The following PTCH2 variants were observed in gnomAD, a reference collection of about 807,000 sequenced individuals.
PTCH2 encodes the protein protein patched homolog 2.
In PTCH2, 96 loss-of-function variants were observed where a neutral mutation model predicts 117.9. The ratio of observed to expected loss-of-function variants is 0.81; its 90% confidence interval spans 0.69 to 0.96. PTCH2 has a LOEUF of 0.96. PTCH2 is among the 50% of genes least tolerant of loss of function. The pLI, the probability that PTCH2 is intolerant of heterozygous loss-of-function variation, is 0.00. For synonymous variants in PTCH2, 615 were observed against 660.9 expected, an observed-to-expected ratio of 0.93 and a Z score of 1.06; for missense variants, 1,379 against 1,562.5, an observed-to-expected ratio of 0.88 and a Z score of 1.98.
rs1247074241 is a variant in PTCH2, at chr1:44,828,356, A to C, written c.1649T>G (p.Leu550Arg). 1 of 1,614,182 alleles carries C rather than the reference A, an allele frequency of 6.2e-7. No homozygotes were observed. Among genetic ancestry groups the C allele is most frequent in the Non-Finnish European group, 8.5e-7 (1 of 1,180,012 alleles). The change falls in exon 13 of 22, where the codon CTC (leucine) becomes CGC (arginine). Residue 550 changes from leucine to arginine, a missense_variant. By Grantham distance (102) the Leu-to-Arg change is moderately radical. Transcript: ENST00000372192. ...VAVMLVFPAILSLDLRRRHCQ... is the reference protein window; with the variant it reads ...VAVMLVFPAIRSLDLRRRHCQ... ...GTGGCGCCGCCGTAGGTCCAGGCTGAGGATGGCTGGGAAGACAAGCATCAC... is the reference window on the plus strand; with the variant it reads ...GTGGCGCCGCCGTAGGTCCAGGCTGCGGATGGCTGGGAAGACAAGCATCAC...
At chr1:44,835,849 C>T (rs753418112) in intron 2 of PTCH2, among the ~76,000 whole-genome samples, 2 of 152,166 alleles carry the variant, frequency 1.3e-5, no homozygotes, top group Non-Finnish European at 2.9e-5. Flanking sequence ...CTCCGTGTTT[C>T]GGTACTGCTA....
intron 2 of PTCH2, among the ~76,000 whole-genome samples, chr1:44,839,233 G>A (rs1315247357): frequency 6.6e-6 from 1 of 151,700 alleles, no homozygotes; most frequent in Admixed American, 6.6e-5. Context: ...AAATTAGCCG[G>A]GCATGGTGGC....
chr1:44,819,850 T>A (rs562025324), downstream of PTCH2: 2 of 152,930 alleles, frequency 1.3e-5, no homozygotes, highest in African/African-American at 4.8e-5. Context: ...GTTCCTTGGT[T>A]GTAGTTGCCT....
At position 44,828,994 on chromosome 1, in the gene PTCH2, G is replaced by A. The variant is rs2148876855; in HGVS notation, c.1452C>T (p.Gly484=). The change falls in exon 11 of 22, where the codon GGC becomes GGT. Residue 484 remains glycine (G), a synonymous_variant. Coordinates refer to ENST00000372192, the MANE Select transcript of PTCH2 (RefSeq NM_003738.5). ...LAHAFTEALP[G]TPLQERMGEC... The stretch of plus-strand genomic sequence containing the variant: ...GACAAGGCCCCACCTGGAGAGGGGT[G>A]CCAGGCAGAGCCTCTGTGAAGGCAT... The A allele has an allele frequency of 6.4e-7, 1 of 1,559,052 alleles. No individual in the cohort carries two copies. Among genetic ancestry groups the A allele is most frequent in the Non-Finnish European group, 8.7e-7 (1 of 1,151,170 alleles).
rs2295999 is a variant in PTCH2 at position 44,832,081 on chromosome 1, A to C, written c.456-37T>G. The C allele has an allele frequency of 2.2e-3, 3,548 of 1,611,972 alleles. 76 individuals are homozygous for C. The African/African-American group carries it at 0.041, about 19-fold the overall frequency. ...AGGGGCATAGGAGATCAGCAGAAGA[A>C]GGGGATTCCCACTCCAGAACCCCCA... On this transcript the variant is annotated intron_variant, in intron 3 of 21. Coordinates refer to ENST00000372192, the MANE Select transcript of PTCH2 (RefSeq NM_003738.5).
At chr1:44,837,170 ATCTT>A (rs1653724459) in intron 2 of PTCH2, among the ~76,000 whole-genome samples, 2 of 151,978 alleles carry the variant, frequency 1.3e-5, no homozygotes, top group Non-Finnish European at 2.9e-5. Flanking sequence ...TAATAAATCA[ATCTT>A]CTTTCTTCCT....
At position 44,823,114 on chromosome 1, in the gene PTCH2, G is replaced by A. The variant is rs771498770; in HGVS notation, c.3312C>T (p.Leu1104=). ...TGGACAGCAGCACAGGCAGCAGCACGAGTCCATGGAGGAGGCCCAGGAGCG... is the reference window on the plus strand; with the variant it reads ...TGGACAGCAGCACAGGCAGCAGCACAAGTCCATGGAGGAGGCCCAGGAGCG... ...VLTLLGLLHG[L]VLLPVLLSIL... The change falls in exon 21 of 22, where the codon CTC becomes CTT. Residue 1104 remains leucine, a synonymous_variant. Coordinates refer to ENST00000372192, the MANE Select transcript of PTCH2 (RefSeq NM_003738.5). The surrounding 1 kb of genome is among the most constrained non-coding windows in gnomAD (Gnocchi z 5.1). The A allele has an allele frequency of 1.1e-5, 18 of 1,613,838 alleles. No homozygotes were observed. Among genetic ancestry groups the A allele is most frequent in the South Asian group, 4.4e-5 (4 of 91,026 alleles).
chr1:44,826,531 A>G lies in PTCH2; in HGVS notation c.2933T>C (p.Val978Ala), dbSNP rs756475622. 4 of 1,613,718 alleles carry G rather than the reference A, an allele frequency of 2.5e-6. No individual in the cohort carries two copies. In the East Asian group the frequency reaches 8.9e-5, roughly 36 times the overall value. ...GGGGTTGAGGAGCAGCAGAGCACAG[A>G]CGAGGAAAGTGCACACCAGCAGGAT... ...VCILLVCTFLVCALLLLNPWT... is the reference protein window; with the variant it reads ...VCILLVCTFLACALLLLNPWT... Residue 978 changes from valine (V) to alanine (A), a missense_variant, in exon 18 of 22, where the codon GTC (valine) becomes GCC (alanine). Transcript: ENST00000372192. The surrounding 1 kb of genome is among the most constrained non-coding windows in gnomAD (Gnocchi z 5.1).
chr1:44,827,113 G>T (rs761717820), intron 16 of PTCH2, 31 bp from the exon 17 acceptor site: 2 of 1,613,796 alleles, frequency 1.2e-6, no homozygotes, highest in Admixed American at 3.3e-5. Context: ...GAAGGCCTGG[G>T]CCCAGGAGGC....
In PTCH2 at chr1:44,831,478, G is replaced by A. The variant is rs1480187848; in HGVS notation, c.617+228C>T. ...TTTTCTCCTTTGCTCAGATCTTACA[G>A]ATCTTTGTGTTTAGTTTTGTGTAAA... On this transcript the variant is annotated intron_variant, in intron 5 of 21. Coordinates refer to ENST00000372192, the MANE Select transcript of PTCH2 (RefSeq NM_003738.5). This position sits in a 1 kb window ranked among gnomAD's most constrained non-coding sequence, Gnocchi z 4.3. Among the ~76,000 whole-genome samples, 1 of 152,236 alleles carries A rather than the reference G, an allele frequency of 6.6e-6. No individual in the cohort carries two copies. Among genetic ancestry groups the A allele is most frequent in the Non-Finnish European group, 1.5e-5 (1 of 68,044 alleles).
chr1:44,843,018 G>C lies in PTCH2; in HGVS notation c.-86C>G. 6 of 1,447,898 alleles carry C rather than the reference G, an allele frequency of 4.1e-6. No homozygotes were observed. Among genetic ancestry groups the C allele is most frequent in the Non-Finnish European group, 3.6e-6 (4 of 1,104,888 alleles). 89.7% of individuals were successfully genotyped at this position (1,447,898 alleles called of 1,614,324 possible). ...CTAGCCCGGTCTCCCGGTACCGCTG[G>C]GCCCCGCGTAGGGATTCAGTGGGGC... On this transcript the variant is annotated 5_prime_UTR_variant, in exon 1 of 22. Coordinates refer to ENST00000372192, the MANE Select transcript of PTCH2 (RefSeq NM_003738.5).
chr1:44,838,759 C>T (rs1461471352), intron 2 of PTCH2, among the ~76,000 whole-genome samples: 4 of 148,812 alleles, frequency 2.7e-5, no homozygotes, highest in African/African-American at 9.9e-5. Context: ...CTCGCTCTGT[C>T]GCCAGGCTAG....
In PTCH2 at chr1:44,827,168, T is replaced by C; in HGVS notation, c.2513A>G (p.Gln838Arg). The change falls in exon 16 of 22, where the codon CAG becomes CGG. Residue 838 changes from glutamine to arginine, a missense_variant and splice_region_variant. By Grantham distance (43) the Gln-to-Arg change is conservative. Transcript: ENST00000372192. ...GDAQEPLDFS[Q>R]LTTRKLVDRE... ...GGACCCCTCCAGCCCTCTCCCAACC[T>C]GGCTGAAATCCAGAGGCTCCTGGGC... 1 of 1,614,034 alleles carries C rather than the reference T, an allele frequency of 6.2e-7. No individual in the cohort carries two copies. Among genetic ancestry groups the C allele is most frequent in the Admixed American group, 1.7e-5 (1 of 60,028 alleles).
chr1:44,832,472 T>C, intron 2 of PTCH2, 131 bp from the exon 3 acceptor site: 1 of 919,944 alleles, frequency 1.1e-6, no homozygotes, highest in Non-Finnish European at 1.7e-6. Context: ...CCCTGCCTTA[T>C]CCCTGAGGGC....
chr1:44,836,078 C>CCTTT (rs1573657629), intron 2 of PTCH2, among the ~76,000 whole-genome samples: 2 of 152,156 alleles, frequency 1.3e-5, no homozygotes, highest in East Asian at 3.9e-4. Flanking sequence ...TCAGCACCTT[C>CCTTT]CTCCTTTCTA....
At position 44,830,934 on chromosome 1, in the gene PTCH2, C is replaced by A. The variant is rs776206522; in HGVS notation, c.727G>T (p.Val243Leu). 6.2e-7 allele frequency: 1 copy of A among 1,605,438 alleles called. No individual in the cohort carries two copies. Among genetic ancestry groups the A allele is most frequent in the Non-Finnish European group, 8.5e-7 (1 of 1,173,530 alleles). ...GGCCGCCCCACGTAGGCCTGGCCCA[C>A]CTGTGCCTTGTCTAGCAGCTCCCGG... Reference protein sequence around the residue: ...GFRELLDKAQVGQAYVGRPCL... With the variant: ...GFRELLDKAQLGQAYVGRPCL... The change falls in exon 6 of 22, where the codon GTG becomes TTG. Residue 243 changes from valine (V) to leucine (L), a missense_variant. Val to Leu is a conservative substitution (Grantham distance 32). Coordinates refer to ENST00000372192, the MANE Select transcript of PTCH2 (RefSeq NM_003738.5).
chr1:44,822,001 T>C lies in PTCH2; in HGVS notation c.*414A>G, dbSNP rs937706554. On this transcript the variant is annotated 3_prime_UTR_variant, in exon 22 of 22. Transcript: ENST00000372192. ...AAACTTTCATCATAGCTAACATGTA[T>C]GTATACTACAAAAATAGACATTTTC... 2 of 1,309,504 alleles carry C rather than the reference T, an allele frequency of 1.5e-6. No individual in the cohort carries two copies. The highest frequency in any genetic ancestry group is 3.1e-5 in the African/African-American group (2 of 65,512). The allele number at this position is 1,309,504 out of a possible 1,614,324, so 81.1% of individuals were successfully genotyped here. A position where few individuals can be genotyped will look rare whatever the true frequency, so the allele number is the denominator to read the frequency against.
Position 44,829,044 on chromosome 1 carries a change from C to A in PTCH2, c.1402G>T (p.Val468Leu). 1 of 1,600,774 alleles carries A rather than the reference C, an allele frequency of 6.2e-7. No homozygotes were observed. Among genetic ancestry groups the A allele is most frequent in the Non-Finnish European group, 8.5e-7 (1 of 1,173,548 alleles). Residue 468 changes from valine to leucine, a missense_variant, in exon 11 of 22, where the codon GTG (valine) becomes TTG (leucine). Coordinates refer to ENST00000372192, the MANE Select transcript of PTCH2 (RefSeq NM_003738.5). ...TGCGCCAGCAGGAATACGTCATCCA[C>A]GCCGATTCCCAGAGCCAAGAAGGGC... ...VLPFLALGIG[V>L]DDVFLLAHAF...
chr1:44,824,733 C>T (rs765186191), intron 19 of PTCH2, among the ~76,000 whole-genome samples: 61 of 152,224 alleles, frequency 4.0e-4, no homozygotes, highest in Non-Finnish European at 7.5e-4. Flanking sequence ...AGTGCAGTGG[C>T]GCAATCTTGG....
Sources: allele counts gnomAD v4.1 joint callset (sites outside exome capture counted in the v4.1 genomes callset), GRCh38; gene constraint gnomAD v4.1.1; non-coding constraint Gnocchi (gnomAD v3.1); transcripts MANE v1.5; gene names NCBI Gene and HGNC (gene_info 2026-07-23, HGNC 2026-07-21).